Variants in WDR59 observed in about 807,000 individuals in gnomAD.
WDR59 encodes the protein GATOR2 complex protein WDR59.
A neutral mutation model predicts 131.2 loss-of-function variants in WDR59; 100 were observed. The ratio of observed to expected loss-of-function variants is 0.76; its 90% CI spans 0.65 to 0.90. The LOEUF is 0.90. Ranked by LOEUF, WDR59 falls within the 40% of genes least tolerant of loss-of-function variation. The pLI is 0.00. For synonymous variants in WDR59, 601 were observed against 466.2 expected (o/e 1.29, Z -3.72); for missense variants, 1,203 against 1,262.2 (o/e 0.95, Z 0.71).
intron 7 of WDR59, among the ~76,000 whole-genome samples, chr16:74,939,161 G>A (rs759293804): frequency 2.0e-5 from 3 of 151,976 alleles, no homozygotes; most frequent in East Asian, 2.0e-4. Flanking sequence ...AGCTGGTCTC[G>A]AACTCCTGGC....
intron 11 of WDR59, among the ~76,000 whole-genome samples, chr16:74,917,453 A>G (rs986393885): frequency 6.6e-6 from 1 of 152,294 alleles, no homozygotes; most frequent in African/African-American, 2.4e-5. Flanking sequence ...GTTGGTTCTT[A>G]AAGACCTCAA....
chr16:74,908,757 G>T, intron 17 of WDR59, 151 bp downstream of exon 17: 1 of 593,808 alleles, frequency 1.7e-6, no homozygotes, highest in Non-Finnish European at 2.9e-6. Flanking sequence ...CAATTTAATT[G>T]ACTTCAATCT....
intron 11 of WDR59, among the ~76,000 whole-genome samples, chr16:74,916,613 C>A (rs1273519220): frequency 6.6e-6 from 1 of 152,128 alleles, no homozygotes; most frequent in African/African-American, 2.4e-5. Context: ...AATCCCAGCA[C>A]TTTGGGAGGC....
intron 2 of WDR59, among the ~76,000 whole-genome samples, chr16:74,957,534 A>G (rs754055667): frequency 5.9e-5 from 9 of 152,276 alleles, no homozygotes; most frequent in Non-Finnish European, 8.8e-5. Context: ...GGTCAAGAAA[A>G]CTCAACTAAA....
intron 1 of WDR59, among the ~76,000 whole-genome samples, chr16:74,980,706 C>A (rs1211277777): frequency 1.3e-5 from 2 of 152,100 alleles, no homozygotes; most frequent in East Asian, 3.9e-4. Flanking sequence ...GGTGCAATGG[C>A]TCACATCTGT....
chr16:74,928,503 G>C (rs1335228100), intron 8 of WDR59, among the ~76,000 whole-genome samples: 1 of 151,954 alleles, frequency 6.6e-6, no homozygotes, highest in Non-Finnish European at 1.5e-5. Flanking sequence ...ACAGGTATGA[G>C]CCACTGCGCC....
At position 74,888,184 on chromosome 16, in the gene WDR59, C is replaced by T. The variant is rs1050023152; in HGVS notation, c.2331G>A (p.Val777=). The T allele has an allele frequency of 6.2e-7, 1 of 1,606,920 alleles. No individual in the cohort carries two copies. Among genetic ancestry groups the T allele is most frequent in the African/African-American group, 1.4e-5 (1 of 74,000 alleles). The change falls in exon 22 of 26, where the codon GTG becomes GTA. Residue 777 remains valine, a synonymous_variant. Coordinates refer to ENST00000262144, the MANE Select transcript of WDR59 (RefSeq NM_030581.4). The part of the protein sequence containing the change: ...PFPNRSSNLV[V]SHSRYPSFTS... The stretch of plus-strand genomic sequence containing the variant: ...ACAAACTTACATATCGACTATGGGA[C>T]ACCACAAGATTAGAAGAACGGTTAG...
rs772164652 is a variant in WDR59 at position 74,904,094 on chromosome 16, G to A, written c.1719C>T (p.Leu573=). The part of the protein sequence containing the change: ...VSPTEPTPRS[L]SALSAYHTGL... ...CAGTGTGATAAGCAGACAAGGCTGA[G>A]AGAGATCTGTAGTTGAAAATGATAA... Residue 573 remains leucine (L), a synonymous_variant, in exon 18 of 26, where the codon CTC becomes CTT. Coordinates refer to ENST00000262144, the MANE Select transcript of WDR59 (RefSeq NM_030581.4). 6.2e-7 allele frequency: 1 copy of A among 1,612,990 alleles called. No homozygotes were observed. Among genetic ancestry groups the A allele is most frequent in the Non-Finnish European group, 8.5e-7 (1 of 1,179,636 alleles).
intron 1 of WDR59, among the ~76,000 whole-genome samples, chr16:74,969,155 G>A (rs1462908987): frequency 6.6e-6 from 1 of 152,226 alleles, no homozygotes; most frequent in African/African-American, 2.4e-5. Context: ...TTTCCCAGCA[G>A]TCTGAAGAAA....
At chr16:74,931,583 C>T (rs1204721059) in intron 8 of WDR59, among the ~76,000 whole-genome samples, 2 of 152,054 alleles carry the variant, frequency 1.3e-5, no homozygotes, top group Admixed American at 6.6e-5. Context: ...GCAATCTGCC[C>T]GCTTCAGCCT....
chr16:74,900,312 T>C (rs907446519), intron 18 of WDR59, among the ~76,000 whole-genome samples: 1 of 151,644 alleles, frequency 6.6e-6, no homozygotes, highest in African/African-American at 2.4e-5. Context: ...CATGGGGAAA[T>C]GGGAACCCTG....
At chr16:74,949,611 G>A (rs2032874950) in intron 5 of WDR59, 107 bp downstream of exon 5, 1 of 883,710 alleles carries the variant, frequency 1.1e-6, no homozygotes, top group African/African-American at 1.7e-5. Context: ...ACTCAAACTT[G>A]TCTCGAGGTC....
chr16:74,945,840 CAG>C (rs1004814653), intron 6 of WDR59, among the ~76,000 whole-genome samples: 1 of 134,000 alleles, frequency 7.5e-6, no homozygotes, highest in Non-Finnish European at 1.6e-5. Context: ...TTTTTTGAGA[CAG>C]AGTTTTGCTC....
intron 2 of WDR59, among the ~76,000 whole-genome samples, chr16:74,960,232 G>C (rs1047133114): frequency 1.3e-5 from 2 of 152,006 alleles, no homozygotes; most frequent in African/African-American, 2.4e-5. Context: ...TTGGGAGGCT[G>C]AGGCAGCAGA....
chr16:74,914,533 T>C (rs1353671708), intron 13 of WDR59, among the ~76,000 whole-genome samples: 2 of 152,078 alleles, frequency 1.3e-5, no homozygotes, highest in African/African-American at 4.8e-5. Context: ...TGGACATTTC[T>C]TCTCTTGATG....
intron 13 of WDR59, 44 bp downstream of exon 13, chr16:74,915,826 A>G: frequency 6.2e-7 from 1 of 1,612,276 alleles, no homozygotes; most frequent in Non-Finnish European, 8.5e-7. Flanking sequence ...TCTCCCACAA[A>G]CTGCCATCAG....
intron 1 of WDR59, among the ~76,000 whole-genome samples, chr16:74,975,628 C>T (rs2034150371): frequency 6.7e-6 from 1 of 149,684 alleles, no homozygotes; most frequent in Non-Finnish European, 1.5e-5. Context: ...CATGCCACTG[C>T]ACTCCAGTCT....
At chr16:74,954,514 A>T (rs1228719386) in intron 3 of WDR59, among the ~76,000 whole-genome samples, 1 of 152,338 alleles carries the variant, frequency 6.6e-6, no homozygotes, top group East Asian at 1.9e-4. Context: ...TTTGGAGAGG[A>T]TGTGGAAAAA....
chr16:74,897,062 T>G (rs887027357), intron 18 of WDR59, among the ~76,000 whole-genome samples: 3 of 152,350 alleles, frequency 2.0e-5, no homozygotes, highest in Admixed American at 6.5e-5. Context: ...ATATGGAAAT[T>G]GCTTGGTCCA....
Sources: gnomAD v4.1 joint callset for allele counts (sites outside exome capture counted in the v4.1 genomes callset) on GRCh38, gnomAD v4.1.1 for gene constraint, MANE v1.5 for transcripts, NCBI Gene and HGNC (gene_info 2026-07-23, HGNC 2026-07-21) for gene names.